CAST: variants seen among roughly 807,000 people sequenced by gnomAD.
The protein encoded by CAST is MIR583 host.
In CAST, 76 loss-of-function variants were observed where a neutral mutation model predicts 119.6. That is an observed-to-expected ratio of 0.64 (90% confidence interval 0.53 to 0.77). The LOEUF is 0.77. CAST is among the 30% of genes least tolerant of loss of function. The probability of loss-of-function intolerance (pLI) is 0.00; values close to 1 mark genes in which losing one functional copy is unlikely to be tolerated. For missense variants in CAST, 953 were observed against 946.5 expected, an observed-to-expected ratio of 1.01 and a Z score of -0.09; for synonymous variants, 319 against 331.6, an observed-to-expected ratio of 0.96 and a Z score of 0.41.
chr5:95,989,063 A>T, the CAST span, among the ~76,000 whole-genome samples: 2 of 152,206 alleles, frequency 1.3e-5, no homozygotes, highest in African/African-American at 4.8e-5. Context: ...GTACTTGTTT[A>T]GTTAAGCACA....
the CAST span, chr5:96,416,127 G>A: frequency 1.3e-6 from 2 of 1,590,622 alleles, no homozygotes; most frequent in Non-Finnish European, 8.6e-7. Flanking sequence ...CGTGTCTGAG[G>A]ATTGAAAAAT....
chr5:96,493,725 C>G, the CAST span, among the ~76,000 whole-genome samples: 33 of 152,266 alleles, frequency 2.2e-4, no homozygotes, highest in Non-Finnish European at 3.5e-4. Flanking sequence ...CATGCCTGCT[C>G]TTTCTCTTCA....
chr5:96,451,945 T>C, the CAST span, among the ~76,000 whole-genome samples: 113,735 of 152,154 alleles, frequency 0.75, 43,058 homozygotes, highest in African/African-American at 0.83. Flanking sequence ...AATGAGATAC[T>C]ATCTCACGCC....
At chr5:96,536,019 TAAATA>T (rs1216219188) in intron 1 of CAST, among the ~76,000 whole-genome samples, 9 of 147,944 alleles carry the variant, frequency 6.1e-5, no homozygotes, top group African/African-American at 2.0e-4. Flanking sequence ...AACCATATGT[TAAATA>T]TTTAAGGTTT....
the CAST span, among the ~76,000 whole-genome samples, chr5:96,145,618 G>C: frequency 6.6e-6 from 1 of 152,164 alleles, no homozygotes; most frequent in South Asian, 2.1e-4. Flanking sequence ...GTTTGAACCA[G>C]AGAGAAATTT....
At chr5:96,436,196 A>G in the CAST span, among the ~76,000 whole-genome samples, 1 of 152,238 alleles carries the variant, frequency 6.6e-6, no homozygotes, top group Non-Finnish European at 1.5e-5. Flanking sequence ...GATTTTTGGT[A>G]GCAGAACACA....
At chr5:96,393,187 C>T in the CAST span, 16 of 1,614,032 alleles carry the variant, frequency 9.9e-6, no homozygotes, top group South Asian at 4.4e-5. Context: ...GGATGTTGAG[C>T]TTTGCACTTG....
At chr5:96,487,536 G>C in the CAST span, among the ~76,000 whole-genome samples, 1 of 152,186 alleles carries the variant, frequency 6.6e-6, no homozygotes, top group African/African-American at 2.4e-5. Flanking sequence ...GTTGGTCCAT[G>C]AGACAAATCT....
At chr5:95,985,791 C>T in the CAST span, among the ~76,000 whole-genome samples, 2 of 151,998 alleles carry the variant, frequency 1.3e-5, no homozygotes, top group East Asian at 1.9e-4. Context: ...ACCTTGGGCA[C>T]GTATTACTAT....
intron 30 of CAST, among the ~76,000 whole-genome samples, chr5:96,771,374 C>A (rs1772255697): frequency 6.6e-6 from 1 of 152,004 alleles, no homozygotes; most frequent in Non-Finnish European, 1.5e-5. Context: ...TTAAGAACAC[C>A]TATGCATATT....
At chr5:95,974,031 C>A in the CAST span, among the ~76,000 whole-genome samples, 472 of 148,804 alleles carry the variant, frequency 3.2e-3, no homozygotes, top group African/African-American at 6.2e-3. Context: ...ACACACACAC[C>A]CCCACTCACC....
intron 30 of CAST, 113 bp from the exon 31 acceptor site, chr5:96,771,531 A>C: frequency 1.4e-6 from 1 of 692,488 alleles, no homozygotes; most frequent in Non-Finnish European, 2.5e-6. Flanking sequence ...TGAAAGGACC[A>C]TCTTATTTTT....
chr5:96,586,367 C>A (rs1169058864), intron 1 of CAST, among the ~76,000 whole-genome samples: 4 of 152,164 alleles, frequency 2.6e-5, no homozygotes, highest in Non-Finnish European at 4.4e-5. Flanking sequence ...TGGGCTGTAT[C>A]ATATCATAAT....
chr5:96,382,008 G>A, the CAST span, among the ~76,000 whole-genome samples: 2 of 152,202 alleles, frequency 1.3e-5, no homozygotes, highest in Admixed American at 6.5e-5. Context: ...ACATAGTTAA[G>A]TGTACTATTA....
At chr5:96,617,511 C>T (rs76670264) in intron 1 of CAST, among the ~76,000 whole-genome samples, 130 of 152,000 alleles carry the variant, frequency 8.6e-4, no homozygotes, top group African/African-American at 2.1e-3. Flanking sequence ...CTTAGGAGGC[C>T]GGGCACGGTG....
chr5:96,357,338 G>A, the CAST span, among the ~76,000 whole-genome samples: 4 of 152,204 alleles, frequency 2.6e-5, no homozygotes, highest in Non-Finnish European at 5.9e-5. Flanking sequence ...TCTCTTGCCC[G>A]ATTGCCCTGG....
the CAST span, among the ~76,000 whole-genome samples, chr5:96,306,571 C>T: frequency 6.6e-6 from 1 of 152,108 alleles, no homozygotes; most frequent in Non-Finnish European, 1.5e-5. Context: ...TTCCTGCTTT[C>T]CCTTATGTGC....
At chr5:96,541,296 C>T (rs954813078) in intron 1 of CAST, among the ~76,000 whole-genome samples, 6 of 151,640 alleles carry the variant, frequency 4.0e-5, no homozygotes, top group African/African-American at 1.5e-4. Context: ...TTGACTCTTG[C>T]ATTCTTTTAA....
the CAST span, among the ~76,000 whole-genome samples, chr5:96,352,605 T>A: frequency 1.3e-5 from 2 of 152,194 alleles, no homozygotes; most frequent in African/African-American, 4.8e-5. Flanking sequence ...TTAACACAAT[T>A]ATCAAAATAA....
Sources: allele counts gnomAD v4.1 joint callset (sites outside exome capture counted in the v4.1 genomes callset), GRCh38; gene constraint gnomAD v4.1.1; transcripts MANE v1.5; gene names NCBI Gene and HGNC (gene_info 2026-07-23, HGNC 2026-07-21).